The following NRG3 variants were observed in gnomAD, a reference collection of about 807,000 sequenced individuals.
The protein encoded by NRG3 is neuregulin 3.
Under a neutral mutation model 66.9 loss-of-function variants are expected in NRG3, and 31 were observed. The observed-to-expected ratio is 0.46, with a 90% CI of 0.35 to 0.63. NRG3 has a LOEUF of 0.63. NRG3 is among the 20% of genes least tolerant of loss of function. The probability of loss-of-function intolerance (pLI) is 0.00; values close to 1 mark genes in which losing one functional copy is unlikely to be tolerated. For synonymous variants in NRG3, 393 were observed against 359.4 expected (o/e 1.09, Z -1.06); for missense variants, 910 against 878.9 (o/e 1.04, Z -0.45).
intron 2 of NRG3, among the ~76,000 whole-genome samples, chr10:82,575,324 GA>G (rs1334964672): frequency 6.6e-6 from 1 of 151,442 alleles, no homozygotes; most frequent in African/African-American, 2.4e-5. Context: ...GACAGCATAA[GA>G]AAAAAAGAAG....
intron 1 of NRG3, among the ~76,000 whole-genome samples, chr10:82,283,348 A>G (rs756327723): frequency 6.6e-6 from 1 of 152,190 alleles, no homozygotes; most frequent in Non-Finnish European, 1.5e-5. Flanking sequence ...AATTCAGGCT[A>G]CATTTTTAAA....
At chr10:82,755,066 G>T (rs1015508417) in intron 3 of NRG3, among the ~76,000 whole-genome samples, 2 of 152,100 alleles carry the variant, frequency 1.3e-5, no homozygotes, top group Non-Finnish European at 2.9e-5. Flanking sequence ...TTATACCTGG[G>T]ATAGTGGTCA....
rs900594292 is a variant in NRG3, at chr10:82,645,581, T to A, written c.954-92996T>A. 3.3e-5 allele frequency among the ~76,000 whole-genome samples: 5 copies of A among 152,318 alleles called. No homozygotes were observed. The East Asian group carries it at 9.7e-4, about 29-fold the overall frequency. Reference sequence around the variant, plus strand: ...CCATTATCAGTTGAACAAGTATATTTCTATGGTTTGTGCTGTTTCTGTTCC... The same window carrying A: ...CCATTATCAGTTGAACAAGTATATTACTATGGTTTGTGCTGTTTCTGTTCC... On this transcript the variant is annotated intron_variant, in intron 2 of 8. Coordinates refer to ENST00000372141, the MANE Select transcript of NRG3 (RefSeq NM_001010848.4).
chr10:82,760,230 A>G (rs932921345), intron 3 of NRG3, among the ~76,000 whole-genome samples: 8 of 152,164 alleles, frequency 5.3e-5, no homozygotes, highest in African/African-American at 1.9e-4. Flanking sequence ...AGTAGAGACA[A>G]ACAGAAGAAC....
At chr10:82,097,070 T>G (rs1239114069) in intron 1 of NRG3, among the ~76,000 whole-genome samples, 1 of 152,154 alleles carries the variant, frequency 6.6e-6, no homozygotes, top group African/African-American at 2.4e-5. Context: ...CAAAATTTCT[T>G]TTGTGTTACC....
chr10:82,648,463 G>C (rs1303136113), intron 2 of NRG3, among the ~76,000 whole-genome samples: 1 of 152,106 alleles, frequency 6.6e-6, no homozygotes, highest in African/African-American at 2.4e-5. Context: ...TTGTTCTTTT[G>C]GCTTAGGATT....
intron 2 of NRG3, among the ~76,000 whole-genome samples, chr10:82,548,039 G>GTT (rs57096412): frequency 0.23 from 27,381 of 120,702 alleles, 3,749 homozygotes; most frequent in African/African-American, 0.39. Flanking sequence ...CTCATGCCAC[G>GTT]TTTTTTTTTT....
intron 1 of NRG3, among the ~76,000 whole-genome samples, chr10:82,225,230 G>A (rs1447931344): frequency 1.3e-5 from 2 of 152,038 alleles, no homozygotes; most frequent in African/African-American, 2.4e-5. Context: ...TTCTAACTAC[G>A]GTATTAACAC....
intron 1 of NRG3, among the ~76,000 whole-genome samples, chr10:82,012,020 G>C (rs2132645187): frequency 6.6e-6 from 1 of 152,266 alleles, no homozygotes; most frequent in Non-Finnish European, 1.5e-5. Flanking sequence ...CTGTGTGGGG[G>C]CTCCAACTCC....
intron 2 of NRG3, among the ~76,000 whole-genome samples, chr10:82,666,453 C>T (rs183948848): frequency 3.3e-5 from 5 of 152,240 alleles, no homozygotes; most frequent in African/African-American, 1.2e-4. Context: ...GACCCTATTC[C>T]CATCAGGTTC....
chr10:81,938,643 A>ATGTGTGTGTGTG lies in NRG3; in HGVS notation c.823+62482_823+62483insTGTGTGTGTGTG, dbSNP rs1564674211. ...AGTGTGTGTGTGTGTGTGTGTGTGC[A>ATGTGTGTGTGTG]TGCATGCATGCATGCAAAAATTTTA... On this transcript the variant is annotated intron_variant, in intron 1 of 8. Coordinates refer to ENST00000372141, the MANE Select transcript of NRG3 (RefSeq NM_001010848.4). Among the ~76,000 whole-genome samples the ATGTGTGTGTGTG allele has an allele frequency of 2.4e-3, 356 of 145,786 alleles. 1 individual carries two copies. Among genetic ancestry groups the ATGTGTGTGTGTG allele is most frequent in the African/African-American group, 8.7e-3 (339 of 38,944 alleles).
intron 2 of NRG3, among the ~76,000 whole-genome samples, chr10:82,696,662 G>GCC (rs917232424): frequency 2.0e-5 from 3 of 152,088 alleles, no homozygotes; most frequent in Admixed American, 1.3e-4. Flanking sequence ...CCAAGCACAT[G>GCC]CCCCCTTTGT....
At chr10:82,363,531 CT>C (rs2084323755) in intron 2 of NRG3, among the ~76,000 whole-genome samples, 3 of 152,240 alleles carry the variant, frequency 2.0e-5, no homozygotes, top group African/African-American at 7.2e-5. Context: ...TCTAGGCTCA[CT>C]GCAAACTCCG....
chr10:82,839,100 A>C (rs2062926019), intron 3 of NRG3, among the ~76,000 whole-genome samples: 4 of 152,194 alleles, frequency 2.6e-5, no homozygotes. Flanking sequence ...GCTACAATTC[A>C]AGATGAGATT....
chr10:82,567,501 A>T (rs924535110), intron 2 of NRG3, among the ~76,000 whole-genome samples: 1 of 151,990 alleles, frequency 6.6e-6, no homozygotes, highest in African/African-American at 2.4e-5. Context: ...CTAGATACAT[A>T]AGAGCACTAA....
At chr10:82,546,687 C>T (rs2043941299) in intron 2 of NRG3, among the ~76,000 whole-genome samples, 1 of 152,110 alleles carries the variant, frequency 6.6e-6, no homozygotes, top group African/African-American at 2.4e-5. Context: ...AATTAGTCTC[C>T]ACCCAATCAT....
chr10:82,179,186 A>G (rs1029660420), intron 1 of NRG3, among the ~76,000 whole-genome samples: 3 of 151,796 alleles, frequency 2.0e-5, no homozygotes, highest in African/African-American at 7.2e-5. Context: ...ATTTTCTCCT[A>G]TTGTGTAGGT....
intron 8 of NRG3, among the ~76,000 whole-genome samples, chr10:82,981,800 T>G (rs1852933334): frequency 6.6e-6 from 1 of 152,160 alleles, no homozygotes; most frequent in Non-Finnish European, 1.5e-5. Context: ...CTGTATCATG[T>G]CAGGAAAATC....
intron 1 of NRG3, among the ~76,000 whole-genome samples, chr10:82,171,828 T>G (rs2072638880): frequency 6.6e-6 from 1 of 152,136 alleles, no homozygotes; most frequent in Admixed American, 6.6e-5. Flanking sequence ...TATCCCTTCC[T>G]TTTAAGAGAA....
Sources: allele counts gnomAD v4.1 joint callset (sites outside exome capture counted in the v4.1 genomes callset), GRCh38; gene constraint gnomAD v4.1.1; transcripts MANE v1.5; gene names NCBI Gene and HGNC (gene_info 2026-07-23, HGNC 2026-07-21).